Variants in TBL1XR1 observed in about 807,000 individuals in gnomAD.
TBL1XR1 encodes F-box-like/WD repeat-containing protein TBL1XR1.
In TBL1XR1, 5 loss-of-function variants were observed where a neutral mutation model predicts 66.9. The observed-to-expected ratio is 0.07, with a 90% CI of 0.04 to 0.16. The LOEUF (loss-of-function observed/expected upper bound fraction) is 0.16. TBL1XR1 is among the 10% of genes least tolerant of loss of function. The probability of loss-of-function intolerance (pLI) is 1.00; values close to 1 mark genes in which losing one functional copy is unlikely to be tolerated. For missense variants in TBL1XR1, 238 were observed against 623.2 expected (o/e 0.38, Z 6.58); for synonymous variants, 210 against 206.0 (o/e 1.02, Z -0.17).
chr3:177,053,306 G>C (rs1201043718), intron 4 of TBL1XR1, among the ~76,000 whole-genome samples: 1 of 152,116 alleles, frequency 6.6e-6, no homozygotes, highest in Non-Finnish European at 1.5e-5. Flanking sequence ...ACTTTATTGA[G>C]AAAAACAGGG....
chr3:177,033,635 A>G (rs894680806), intron 13 of TBL1XR1, among the ~76,000 whole-genome samples: 1 of 152,176 alleles, frequency 6.6e-6, no homozygotes, highest in Non-Finnish European at 1.5e-5. Flanking sequence ...ACTTGAAACA[A>G]TAATAAAACT....
chr3:177,103,806 T>C (rs1724530156), intron 1 of TBL1XR1, among the ~76,000 whole-genome samples: 2 of 152,282 alleles, frequency 1.3e-5, no homozygotes, highest in Non-Finnish European at 1.5e-5. Context: ...AAAATTATTT[T>C]GTTTTAATGT....
At chr3:177,056,827 T>C (rs1359512930) in intron 3 of TBL1XR1, among the ~76,000 whole-genome samples, 1 of 152,128 alleles carries the variant, frequency 6.6e-6, no homozygotes, top group Non-Finnish European at 1.5e-5. Flanking sequence ...CACTCTACCA[T>C]CTGTAGATGC....
intron 1 of TBL1XR1, among the ~76,000 whole-genome samples, chr3:177,116,269 T>C (rs1422673900): frequency 6.6e-6 from 1 of 152,148 alleles, no homozygotes; most frequent in African/African-American, 2.4e-5. Context: ...CACCCCAAAC[T>C]TGTTCCTCTT....
At chr3:177,037,053 C>A (rs1246587729) in intron 12 of TBL1XR1, among the ~76,000 whole-genome samples, 1 of 152,154 alleles carries the variant, frequency 6.6e-6, no homozygotes, top group Non-Finnish European at 1.5e-5. Flanking sequence ...ACAAGAAAAA[C>A]AGAGATCCAT....
At chr3:177,115,026 G>A (rs1390789366) in intron 1 of TBL1XR1, among the ~76,000 whole-genome samples, 1 of 151,918 alleles carries the variant, frequency 6.6e-6, no homozygotes, top group African/African-American at 2.4e-5. Context: ...TTTAATTAAA[G>A]TATCACTGTA....
chr3:177,034,119 T>C, intron 13 of TBL1XR1, 79 bp downstream of exon 13: 1 of 1,456,190 alleles, frequency 6.9e-7, no homozygotes, highest in East Asian at 2.4e-5. Flanking sequence ...CATGAAATCT[T>C]CCCTAAACTT....
At chr3:177,189,023 TA>T (rs1254048132) in intron 1 of TBL1XR1, among the ~76,000 whole-genome samples, 1 of 142,856 alleles carries the variant, frequency 7.0e-6, no homozygotes, top group Non-Finnish European at 1.5e-5. Flanking sequence ...CTGGCCAACA[TA>T]ACGAAACCCT....
At chr3:177,050,788 A>T (rs1716961378) in intron 5 of TBL1XR1, among the ~76,000 whole-genome samples, 178 bp from the exon 6 acceptor site, 1 of 120,460 alleles carries the variant, frequency 8.3e-6, no homozygotes, top group Non-Finnish European at 1.6e-5. Context: ...ATAAATTCTT[A>T]TCTTTAATTA....
At chr3:177,030,959 A>C (rs2108398572) in intron 14 of TBL1XR1, among the ~76,000 whole-genome samples, 1 of 152,232 alleles carries the variant, frequency 6.6e-6, no homozygotes, top group Non-Finnish European at 1.5e-5. Context: ...TAAAAATACC[A>C]AAACTAGCCG....
intron 1 of TBL1XR1, among the ~76,000 whole-genome samples, chr3:177,101,353 T>C (rs1460895530): frequency 6.6e-6 from 1 of 152,156 alleles, no homozygotes; most frequent in East Asian, 1.9e-4. Flanking sequence ...AACTGGGTAA[T>C]AAAATCTACA....
chr3:177,156,774 C>T lies in TBL1XR1; in HGVS notation c.-122+40347G>A, dbSNP rs531194549. ...ATACTAGTTTCTATATACTACTATA[C>T]ACTAGAATATAGCTCAAAGCTGGAA... On this transcript the variant is annotated intron_variant, in intron 1 of 15. Transcript: ENST00000457928. Among the ~76,000 whole-genome samples the T allele has an allele frequency of 3.9e-4, 60 of 152,106 alleles. No homozygotes were observed. In the South Asian group the frequency reaches 4.6e-3, roughly 12 times the overall value.
intron 4 of TBL1XR1, among the ~76,000 whole-genome samples, chr3:177,052,073 T>C (rs1479437654): frequency 6.6e-6 from 1 of 152,204 alleles, no homozygotes; most frequent in Non-Finnish European, 1.5e-5. Context: ...CAATATGGAA[T>C]ATAGTTCATA....
chr3:177,108,866 AAC>A, intron 1 of TBL1XR1, among the ~76,000 whole-genome samples: 1 of 152,152 alleles, frequency 6.6e-6, no homozygotes, highest in Non-Finnish European at 1.5e-5. Flanking sequence ...GGAAGGAAGA[AAC>A]AGAAAACACT....
At chr3:177,025,721 G>A (rs1713015243) in intron 15 of TBL1XR1, among the ~76,000 whole-genome samples, 197 bp from the exon 16 acceptor site, 1 of 152,130 alleles carries the variant, frequency 6.6e-6, no homozygotes, top group Non-Finnish European at 1.5e-5. Context: ...GAACAACCAT[G>A]AGCTCAAACT....
At chr3:177,090,489 G>A (rs941763974) in intron 2 of TBL1XR1, among the ~76,000 whole-genome samples, 2 of 145,286 alleles carry the variant, frequency 1.4e-5, no homozygotes, top group Non-Finnish European at 3.0e-5. Flanking sequence ...AGACCAGCCT[G>A]GTCAACACAG....
At chr3:177,169,204 A>G (rs909039267) in intron 1 of TBL1XR1, among the ~76,000 whole-genome samples, 1 of 152,240 alleles carries the variant, frequency 6.6e-6, no homozygotes, top group South Asian at 2.1e-4. Flanking sequence ...AGTGAAGACC[A>G]AATTCCATGG....
At chr3:177,112,759 C>T (rs923803996) in intron 1 of TBL1XR1, among the ~76,000 whole-genome samples, 5 of 152,152 alleles carry the variant, frequency 3.3e-5, no homozygotes, top group African/African-American at 9.7e-5. Context: ...AATCCCAACA[C>T]TTTGGGAGGC....
intron 7 of TBL1XR1, 167 bp from the exon 8 acceptor site, chr3:177,047,716 C>T (rs1716508897): frequency 1.5e-6 from 1 of 659,698 alleles, no homozygotes; most frequent in Non-Finnish European, 2.6e-6. Flanking sequence ...GCCTATGAAA[C>T]CCTTCCACTG....
Sources: allele counts gnomAD v4.1 joint callset (sites outside exome capture counted in the v4.1 genomes callset), GRCh38; gene constraint gnomAD v4.1.1; transcripts MANE v1.5; gene names NCBI Gene and HGNC (gene_info 2026-07-23, HGNC 2026-07-21).